The following FYB2 variants were observed in gnomAD, a reference collection of about 807,000 sequenced individuals.
FYB2 encodes FYN-binding protein 2.
Under a neutral mutation model 94.1 loss-of-function variants are expected in FYB2, and 103 were observed. That is an observed-to-expected ratio of 1.09 (90% CI 0.93 to 1.29). FYB2 has a LOEUF of 1.29. Among genes scored for constraint, FYB2 ranks in the 50% most tolerant of loss-of-function variants. The pLI, the probability that FYB2 is intolerant of heterozygous loss-of-function variation, is 0.00. For synonymous variants in FYB2, 293 were observed against 287.9 expected (o/e 1.02, Z -0.18); for missense variants, 896 against 841.5 (o/e 1.06, Z -0.80).
chr1:56,760,475 A>G (rs1210027460), intron 5 of FYB2, among the ~76,000 whole-genome samples: 3 of 152,218 alleles, frequency 2.0e-5, no homozygotes, highest in African/African-American at 7.2e-5. Context: ...AATTGTACAC[A>G]TAATACTTTA....
At chr1:56,763,645 C>A (rs1157010019) in intron 5 of FYB2, among the ~76,000 whole-genome samples, 1 of 151,782 alleles carries the variant, frequency 6.6e-6, no homozygotes. Context: ...TCTTTTTCAG[C>A]CTTGCTAGAA....
chr1:56,734,181 G>A (rs948294788), intron 15 of FYB2, among the ~76,000 whole-genome samples: 2 of 151,964 alleles, frequency 1.3e-5, no homozygotes, highest in Non-Finnish European at 2.9e-5. Context: ...CCTTCTTTGT[G>A]TCTTTTGATC....
chr1:56,762,724 T>G (rs55712124), intron 5 of FYB2, among the ~76,000 whole-genome samples: 65,476 of 152,056 alleles, frequency 0.43, 14,463 homozygotes, highest in African/African-American at 0.51. Context: ...TGTATACATT[T>G]TATTTCCTTT....
chr1:56,734,145 T>G (rs1384000673), intron 15 of FYB2, among the ~76,000 whole-genome samples: 1 of 152,192 alleles, frequency 6.6e-6, no homozygotes, highest in Non-Finnish European at 1.5e-5. Flanking sequence ...TCTTGTTGAA[T>G]TGATCCCTTT....
intron 9 of FYB2, among the ~76,000 whole-genome samples, chr1:56,747,170 G>C (rs1645086464): frequency 1.3e-5 from 2 of 151,608 alleles, no homozygotes; most frequent in Non-Finnish European, 2.9e-5. Context: ...TATCAAATAT[G>C]TATATATTTG....
chr1:56,756,222 A>G (rs1459184932), intron 6 of FYB2, among the ~76,000 whole-genome samples: 2 of 152,206 alleles, frequency 1.3e-5, no homozygotes, highest in African/African-American at 4.8e-5. Flanking sequence ...GGAAACGTAA[A>G]TAACTTCTAA....
intron 16 of FYB2, among the ~76,000 whole-genome samples, chr1:56,724,990 T>C (rs1364673344): frequency 1.3e-5 from 2 of 151,948 alleles, no homozygotes; most frequent in Admixed American, 1.3e-4. Flanking sequence ...GGCATCTCAT[T>C]TGTTAAAATG....
chr1:56,785,459 A>G (rs957687361), intron 4 of FYB2, among the ~76,000 whole-genome samples: 1 of 152,194 alleles, frequency 6.6e-6, no homozygotes, highest in Non-Finnish European at 1.5e-5. Context: ...ATAAATACGC[A>G]TAGAACACGT....
rs763097039 is a variant in FYB2 at position 56,789,145 on chromosome 1, G to A, written c.758-11C>T. ...CATCTGGCTGTTTTTCTGAACACAA[G>A]ACAGTAAAAAATGTAAGTTATGATT... On this transcript the variant is annotated splice_polypyrimidine_tract_variant and intron_variant, in intron 2 of 19. Coordinates refer to ENST00000343433, the MANE Select transcript of FYB2 (RefSeq NM_001004303.5). 6.5e-6 allele frequency: 10 copies of A among 1,546,890 alleles called. No homozygotes were observed. In the Admixed American group the frequency reaches 2.1e-4, roughly 33 times the overall value.
At chr1:56,770,058 C>A (rs568225375) in intron 4 of FYB2, among the ~76,000 whole-genome samples, 183 of 152,062 alleles carry the variant, frequency 1.2e-3, no homozygotes, top group African/African-American at 4.0e-3. Flanking sequence ...CACACGAATG[C>A]GTATACACCG....
At chr1:56,817,257 C>T (rs1207828039) in intron 1 of FYB2, among the ~76,000 whole-genome samples, 2 of 152,218 alleles carry the variant, frequency 1.3e-5, no homozygotes, top group Non-Finnish European at 2.9e-5. Context: ...TTGAAACACC[C>T]ACGACCTTCT....
At chr1:56,785,987 C>T (rs549828867) in intron 4 of FYB2, among the ~76,000 whole-genome samples, 1 of 152,326 alleles carries the variant, frequency 6.6e-6, no homozygotes, top group African/African-American at 2.4e-5. Context: ...TTGAAAAGTA[C>T]TGGTGTGATT....
At chr1:56,730,979 G>C (rs1033106154) in intron 15 of FYB2, among the ~76,000 whole-genome samples, 1 of 152,028 alleles carries the variant, frequency 6.6e-6, no homozygotes, top group Non-Finnish European at 1.5e-5. Context: ...ACATATTAGT[G>C]GGATATATCC....
intron 15 of FYB2, among the ~76,000 whole-genome samples, chr1:56,727,708 T>C (rs1370462236): frequency 6.6e-6 from 1 of 152,122 alleles, no homozygotes; most frequent in African/African-American, 2.4e-5. Flanking sequence ...AAAGGATACA[T>C]GAAGTATACA....
At chr1:56,722,394 T>C (rs539376154) in intron 17 of FYB2, among the ~76,000 whole-genome samples, 1 of 152,232 alleles carries the variant, frequency 6.6e-6, no homozygotes, top group South Asian at 2.1e-4. Flanking sequence ...CATAGTGTAA[T>C]ATGATGAACA....
chr1:56,771,622 G>A (rs867891859), intron 4 of FYB2, among the ~76,000 whole-genome samples: 4 of 152,150 alleles, frequency 2.6e-5, no homozygotes, highest in African/African-American at 9.7e-5. Flanking sequence ...TTAGGGTTAG[G>A]GTTAGGGTTA....
intron 4 of FYB2, among the ~76,000 whole-genome samples, chr1:56,784,966 T>C (rs958076643): frequency 1.3e-5 from 2 of 152,210 alleles, no homozygotes; most frequent in Admixed American, 1.3e-4. Context: ...CTAAGTTTTC[T>C]GGCCCCTCTT....
At chr1:56,743,524 G>T (rs1231185978) in intron 11 of FYB2, among the ~76,000 whole-genome samples, 2 of 151,996 alleles carry the variant, frequency 1.3e-5, no homozygotes, top group African/African-American at 4.8e-5. Context: ...TCCGGAAAGG[G>T]AGGGAAAAGC....
intron 4 of FYB2, among the ~76,000 whole-genome samples, chr1:56,772,135 T>C (rs1645772702): frequency 6.6e-6 from 1 of 152,140 alleles, no homozygotes; most frequent in Non-Finnish European, 1.5e-5. Flanking sequence ...GGCTATGCCA[T>C]AGAGCTCATG....
Sources: allele counts gnomAD v4.1 joint callset (sites outside exome capture counted in the v4.1 genomes callset), GRCh38; gene constraint gnomAD v4.1.1; transcripts MANE v1.5; gene names NCBI Gene and HGNC (gene_info 2026-07-23, HGNC 2026-07-21).